The following ALPL variants were observed in gnomAD, a reference collection of about 807,000 sequenced individuals.
The protein encoded by ALPL is alkaline phosphatase, tissue-nonspecific isozyme.
In ALPL, 42 loss-of-function variants were observed where a neutral mutation model predicts 51.3. The observed-to-expected ratio is 0.82, with a 90% CI of 0.64 to 1.06. The LOEUF is 1.06. ALPL is among the 50% of genes least tolerant of loss of function. The probability of loss-of-function intolerance (pLI) is 0.00; values close to 1 mark genes in which losing one functional copy is unlikely to be tolerated. For missense variants in ALPL, 589 were observed against 709.4 expected, an observed-to-expected ratio of 0.83 and a Z score of 1.93; for synonymous variants, 279 against 296.4, an observed-to-expected ratio of 0.94 and a Z score of 0.60.
chr1:21,537,569 C>G (rs1019063327), intron 1 of ALPL, among the ~76,000 whole-genome samples: 4 of 152,220 alleles, frequency 2.6e-5, no homozygotes, highest in Non-Finnish European at 4.4e-5. Context: ...ACCACCCCCC[C>G]CACCGCCATC....
In ALPL at chr1:21,561,198, G is replaced by A. The variant is rs139811782; in HGVS notation, c.283G>A (p.Val95Met). Residue 95 changes from valine to methionine, a missense_variant, in exon 4 of 12, where the codon GTG (valine) becomes ATG (methionine). Val to Met is a conservative substitution (Grantham distance 21, BLOSUM62 1). Coordinates refer to ENST00000374840, the MANE Select transcript of ALPL (RefSeq NM_000478.6). ...TRLEMDKFPF[V>M]ALSKTYNTNA... The stretch of plus-strand genomic sequence containing the variant: ...GCTGGAGATGGACAAGTTCCCCTTC[G>A]TGGCCCTCTCCAAGGTGAGCCCCAT... 2.5e-5 allele frequency: 40 copies of A among 1,610,548 alleles called. No individual in the cohort carries two copies. Among genetic ancestry groups the A allele is most frequent in the Middle Eastern group, 3.3e-4 (2 of 6,080 alleles).
At chr1:21,563,602 T>TG (rs1454444036) in intron 5 of ALPL, among the ~76,000 whole-genome samples, 1 of 152,104 alleles carries the variant, frequency 6.6e-6, no homozygotes, top group Non-Finnish European at 1.5e-5. Context: ...GGCTAGCCTG[T>TG]GGGGTGCAGT....
chr1:21,532,184 A>G (rs1366742027), intron 1 of ALPL, among the ~76,000 whole-genome samples: 2 of 150,460 alleles, frequency 1.3e-5, no homozygotes, highest in African/African-American at 2.4e-5. Context: ...AAAGACCAAG[A>G]TTTTTTTTTT....
At chr1:21,554,339 T>TATATATAC (rs1553410745) in intron 2 of ALPL, among the ~76,000 whole-genome samples, 197 bp downstream of exon 2, 44 of 149,632 alleles carry the variant, frequency 2.9e-4, no homozygotes, top group African/African-American at 1.0e-3. Context: ...TATATATATA[T>TATATATAC]ACACACATAC....
intron 1 of ALPL, among the ~76,000 whole-genome samples, chr1:21,550,498 T>G (rs1644306738): frequency 6.6e-6 from 1 of 152,214 alleles, no homozygotes; most frequent in South Asian, 2.1e-4. Context: ...CACATAGACT[T>G]GCTTTCATTT....
rs533260538 is a variant in ALPL at position 21,539,947 on chromosome 1, C to T, written c.-104-14031C>T. Reference sequence around the variant, plus strand: ...CTGGGATTACAGGCTTGAGCCACCGCGCCCGGCCTGTGCCTTCCTTTTCTT... The same window carrying T: ...CTGGGATTACAGGCTTGAGCCACCGTGCCCGGCCTGTGCCTTCCTTTTCTT... On this transcript the variant is annotated intron_variant, in intron 1 of 11. Transcript: ENST00000374840. 1.2e-4 allele frequency among the ~76,000 whole-genome samples: 18 copies of T among 152,296 alleles called. No homozygotes were observed. In the South Asian group the frequency reaches 3.3e-3, roughly 28 times the overall value.
intron 2 of ALPL, 101 bp downstream of exon 2, chr1:21,554,243 T>G (rs1644368828): frequency 1.2e-5 from 15 of 1,243,778 alleles, no homozygotes; most frequent in Non-Finnish European, 1.8e-5. Flanking sequence ...TCCAAAGTAT[T>G]TAAGAGCTGA....
Position 21,577,601 on chromosome 1 carries a change from C to T in ALPL, c.1528C>T (p.Pro510Ser), listed in dbSNP as rs752320340. Reference protein sequence around the residue: ...ASSAGSLAAGPLLLALALYPL... With the variant: ...ASSAGSLAAGSLLLALALYPL... ...CTCGGCAGGCAGCCTTGCTGCAGGC[C>T]CCCTGCTGCTCGCGCTGGCCCTCTA... The change falls in exon 12 of 12, where the codon CCC (proline) becomes TCC (serine). Residue 510 changes from proline (P) to serine (S), a missense_variant. Pro to Ser is a moderately conservative substitution (Grantham distance 74, BLOSUM62 -1). Coordinates refer to ENST00000374840, the MANE Select transcript of ALPL (RefSeq NM_000478.6). 4 of 1,600,886 alleles carry T rather than the reference C, an allele frequency of 2.5e-6. No homozygotes were observed. The African/African-American group carries it at 4.0e-5, about 16-fold the overall frequency.
Position 21,527,549 on chromosome 1 carries a change from C to CTT in ALPL, c.-105+18048_-105+18049dup, listed in dbSNP as rs560294555. ...TGCTGTAACTTTTATTAGCCTTTAA[C>CTT]TTTTTTTTTTTTTTTTTGAGGTGGA... On this transcript the variant is annotated intron_variant, in intron 1 of 11. Coordinates refer to ENST00000374840, the MANE Select transcript of ALPL (RefSeq NM_000478.6). Among the ~76,000 whole-genome samples, 498 of 138,250 alleles carry CTT rather than the reference C, an allele frequency of 3.6e-3. 3 individuals carry two copies. The highest frequency in any genetic ancestry group is 0.012 in the African/African-American group (458 of 37,724). 90.7% of individuals were successfully genotyped at this position (138,250 alleles called of 152,430 possible). A position where few individuals can be genotyped will look rare whatever the true frequency, so the allele number is the denominator to read the frequency against.
chr1:21,534,695 C>G (rs1186520902), intron 1 of ALPL, among the ~76,000 whole-genome samples: 1 of 152,118 alleles, frequency 6.6e-6, no homozygotes, highest in African/African-American at 2.4e-5. Flanking sequence ...CTGCTAGTAC[C>G]CCTTGGTAGA....
rs1178346411 is a variant in ALPL, at chr1:21,536,895, T to C, written c.-104-17083T>C. On this transcript the variant is annotated intron_variant, in intron 1 of 11. Coordinates refer to ENST00000374840, the MANE Select transcript of ALPL (RefSeq NM_000478.6). The stretch of plus-strand genomic sequence containing the variant: ...TTGATTTGCAAGGTTCCTTCCCTTT[T>C]TTTTTTTTTTTTTTTTTTTGAGACG... Among the ~76,000 whole-genome samples the C allele has an allele frequency of 3.8e-4, 28 of 74,520 alleles. No homozygotes were observed. In the Admixed American group the frequency reaches 4.1e-3, roughly 11 times the overall value. The allele number at this position is 74,520 out of a possible 152,430, so 48.9% of individuals were successfully genotyped here.
chr1:21,566,347 G>A (rs993875691), intron 6 of ALPL, among the ~76,000 whole-genome samples: 3 of 152,128 alleles, frequency 2.0e-5, no homozygotes, highest in Admixed American at 6.5e-5. Context: ...GTAGTGGTGC[G>A]ATCTTGGCTC....
intron 9 of ALPL, 116 bp downstream of exon 9, chr1:21,573,915 C>T: frequency 6.5e-7 from 1 of 1,540,684 alleles, no homozygotes; most frequent in Non-Finnish European, 8.8e-7. Flanking sequence ...GGAGAGGTCC[C>T]TTTAGGAGAA....
In ALPL at chr1:21,567,957, C is replaced by T; in HGVS notation, c.649-147C>T. 2.9e-6 allele frequency: 3 copies of T among 1,043,690 alleles called. No individual in the cohort carries two copies. In the South Asian group the frequency reaches 4.1e-5, roughly 14 times the overall value. The allele number at this position is 1,043,690 out of a possible 1,614,324, so 64.7% of individuals were successfully genotyped here. ...CTCCCCACGCTGGACAAGTAAGGCC[C>T]AGAGATGACTGAGGCCTGGCTCACC... On this transcript the variant is annotated intron_variant, in intron 6 of 11. Transcript: ENST00000374840.
intron 1 of ALPL, among the ~76,000 whole-genome samples, chr1:21,518,136 G>T (rs1185549389): frequency 1.3e-5 from 2 of 152,048 alleles, no homozygotes; most frequent in African/African-American, 2.4e-5. Flanking sequence ...GAGGCACAGA[G>T]CTGTGCCCGT....
rs550405598 is a variant in ALPL at position 21,549,036 on chromosome 1, C to A, written c.-104-4942C>A. ...ACTAATTCATTTCCCTAGTTGTGGACGAGACTGCCCCGGCTCCTCACCATC... is the reference window on the plus strand; with the variant it reads ...ACTAATTCATTTCCCTAGTTGTGGAAGAGACTGCCCCGGCTCCTCACCATC... On this transcript the variant is annotated intron_variant, in intron 1 of 11. Transcript: ENST00000374840. Among the ~76,000 whole-genome samples, 10 of 152,288 alleles carry A rather than the reference C, an allele frequency of 6.6e-5. No homozygotes were observed. The South Asian group carries it at 2.1e-3, about 32-fold the overall frequency.
intron 1 of ALPL, among the ~76,000 whole-genome samples, chr1:21,511,361 G>A (rs930055779): frequency 1.3e-5 from 2 of 152,242 alleles, no homozygotes; most frequent in East Asian, 1.9e-4. Context: ...TCTGTGCCTC[G>A]GCCTCCTCCC....
At chr1:21,543,119 G>A (rs1219664305) in intron 1 of ALPL, among the ~76,000 whole-genome samples, 4 of 152,064 alleles carry the variant, frequency 2.6e-5, no homozygotes, top group Admixed American at 6.6e-5. Flanking sequence ...CAGCCTGGGC[G>A]ACAGAGTAAG....
chr1:21,565,393 C>T (rs1644548923), intron 6 of ALPL, among the ~76,000 whole-genome samples: 1 of 152,204 alleles, frequency 6.6e-6, no homozygotes. Context: ...AGTTTCCCCA[C>T]CTGTGCAGCA....
Sources: gnomAD v4.1 joint callset for allele counts (sites outside exome capture counted in the v4.1 genomes callset) on GRCh38, gnomAD v4.1.1 for gene constraint, MANE v1.5 for transcripts, NCBI Gene and HGNC (gene_info 2026-07-23, HGNC 2026-07-21) for gene names.